Variants in FOXN4 observed in about 807,000 individuals in gnomAD.
The protein encoded by FOXN4 is forkhead box N4, also known as forkhead box protein N4.
A neutral mutation model predicts 45.0 loss-of-function variants in FOXN4; 12 were observed. The observed-to-expected ratio is 0.27, with a 90% CI of 0.17 to 0.43. The LOEUF is 0.43. Ranked by LOEUF, FOXN4 falls within the 20% of genes least tolerant of loss-of-function variation. FOXN4 has a pLI of 1.00. For synonymous variants in FOXN4, 297 were observed against 295.0 expected (o/e 1.01, Z -0.07); for missense variants, 560 against 694.9 (o/e 0.81, Z 2.18).
chr12:109,297,009 G>A (rs1018381836), intron 2 of FOXN4, among the ~76,000 whole-genome samples: 5 of 152,220 alleles, frequency 3.3e-5, no homozygotes, highest in African/African-American at 1.2e-4. Flanking sequence ...GGCCAGAGAG[G>A]AACAGGCCTG....
intron 8 of FOXN4, among the ~76,000 whole-genome samples, chr12:109,284,406 T>G (rs2047681680): frequency 6.6e-6 from 1 of 152,192 alleles, no homozygotes; most frequent in Admixed American, 6.5e-5. Flanking sequence ...GAGCTGGGGC[T>G]GGGCTGGGAG....
At chr12:109,297,795 T>A (rs1403379307) in intron 2 of FOXN4, among the ~76,000 whole-genome samples, 4 of 152,090 alleles carry the variant, frequency 2.6e-5, no homozygotes, top group Admixed American at 2.6e-4. Context: ...ATCTAGAAAA[T>A]CCTCGCAGTG....
chr12:109,290,543 C>A lies in FOXN4; in HGVS notation c.87-257G>T, dbSNP rs1291555774. ...CTTAGCACCTACCACATAAACAATG[C>A]ACGCGAATATTTGTTGAGGACTTGA... On this transcript the variant is annotated intron_variant, in intron 2 of 9. Coordinates refer to ENST00000299162, the MANE Select transcript of FOXN4 (RefSeq NM_213596.3). The surrounding 1 kb of genome is among the most constrained non-coding windows in gnomAD (Gnocchi z 5.1). Among the ~76,000 whole-genome samples, 1 of 152,204 alleles carries A rather than the reference C, an allele frequency of 6.6e-6. No individual in the cohort carries two copies. Among genetic ancestry groups the A allele is most frequent in the Non-Finnish European group, 1.5e-5 (1 of 68,042 alleles).
At chr12:109,281,124 A>G (rs2047647951) in intron 9 of FOXN4, among the ~76,000 whole-genome samples, 1 of 152,186 alleles carries the variant, frequency 6.6e-6, no homozygotes, top group Non-Finnish European at 1.5e-5. Context: ...GTTGGCTGCC[A>G]TTGGCTATAA....
At chr12:109,303,301 C>T (rs1328574057) in intron 2 of FOXN4, among the ~76,000 whole-genome samples, 1 of 152,158 alleles carries the variant, frequency 6.6e-6, no homozygotes, top group Non-Finnish European at 1.5e-5. Context: ...GAAACGGAGC[C>T]CCTTCCAAGG....
chr12:109,281,224 A>T (rs747295274), intron 9 of FOXN4, among the ~76,000 whole-genome samples, 183 bp downstream of exon 9: 2 of 152,144 alleles, frequency 1.3e-5, no homozygotes, highest in Non-Finnish European at 2.9e-5. Context: ...GAGCTCAAAA[A>T]TTTTTGGATT....
rs2047649224 is a variant in FOXN4 at position 109,281,290 on chromosome 12, A to G, written c.1294+117T>C. Reference sequence around the variant, plus strand: ...TGTTCAACTTGTAAAGGTTGTTGCTATGGGAACAAGACTGTGGGGCAAATG... The same window carrying G: ...TGTTCAACTTGTAAAGGTTGTTGCTGTGGGAACAAGACTGTGGGGCAAATG... On this transcript the variant is annotated intron_variant, in intron 9 of 9. Coordinates refer to ENST00000299162, the MANE Select transcript of FOXN4 (RefSeq NM_213596.3). The G allele has an allele frequency of 2.9e-6, 4 of 1,369,096 alleles. No individual in the cohort carries two copies. In the Admixed American group the frequency reaches 9.1e-5, roughly 31 times the overall value. 84.8% of individuals were successfully genotyped at this position (1,369,096 alleles called of 1,614,324 possible).
At position 109,290,091 on chromosome 12, in the gene FOXN4, C is replaced by T. The variant is rs1411958133; in HGVS notation, c.232+50G>A. 1 of 1,492,862 alleles carries T rather than the reference C, an allele frequency of 6.7e-7. No individual in the cohort carries two copies. Among genetic ancestry groups the T allele is most frequent in the South Asian group, 1.3e-5 (1 of 74,308 alleles). 92.5% of individuals were successfully genotyped at this position (1,492,862 alleles called of 1,614,324 possible). A position where few individuals can be genotyped will look rare whatever the true frequency, so the allele number is the denominator to read the frequency against. ...GGGTGGGTGGCAGGGCTGGGAATCA[C>T]CCCTCTCCTATATCACCCTCCTCCC... On this transcript the variant is annotated intron_variant, in intron 3 of 9. Coordinates refer to ENST00000299162, the MANE Select transcript of FOXN4 (RefSeq NM_213596.3). The surrounding 1 kb of genome is among the most constrained non-coding windows in gnomAD (Gnocchi z 5.1).
rs1319853135 is a variant in FOXN4, at chr12:109,281,455, T to G, written c.1246A>C (p.Thr416Pro). The G allele has an allele frequency of 1.2e-6, 2 of 1,613,960 alleles. No individual in the cohort carries two copies. Among genetic ancestry groups the G allele is most frequent in the Non-Finnish European group, 1.7e-6 (2 of 1,179,872 alleles). Residue 416 changes from threonine (T) to proline (P), a missense_variant, in exon 9 of 10, where the codon ACT becomes CCT. Thr to Pro is a conservative substitution (Grantham distance 38). Transcript: ENST00000299162. ...DFINISTDMN[T>P]EVDALDPSIM... ...CTCGGGTCGAGGGCATCCACCTCAG[T>G]GTTCATGTCGGTGCTGATGTTGATG...
chr12:109,281,308 G>C, intron 9 of FOXN4, 99 bp downstream of exon 9: 1 of 1,418,094 alleles, frequency 7.1e-7, no homozygotes. Context: ...AAGACTGTGG[G>C]GCAAATGCAG....
chr12:109,288,290 G>C lies in FOXN4; in HGVS notation c.233-110C>G, dbSNP rs901658992. ...GAGAACGGAGCCAGCCCCTTTCCTC[G>C]GACCAGGCACATAGTAGGTGCTTGG... On this transcript the variant is annotated intron_variant, in intron 3 of 9. Coordinates refer to ENST00000299162, the MANE Select transcript of FOXN4 (RefSeq NM_213596.3). The surrounding 1 kb of genome is among the most constrained non-coding windows in gnomAD (Gnocchi z 4.3). 2.1e-6 allele frequency: 3 copies of C among 1,429,784 alleles called. No homozygotes were observed. The highest frequency in any genetic ancestry group is 2.8e-6 in the Non-Finnish European group (3 of 1,080,234). The allele number at this position is 1,429,784 out of a possible 1,614,324, so 88.6% of individuals were successfully genotyped here.
intron 8 of FOXN4, among the ~76,000 whole-genome samples, chr12:109,283,848 A>G (rs1015994225): frequency 2.9e-4 from 44 of 152,348 alleles, no homozygotes; most frequent in African/African-American, 1.0e-3. Flanking sequence ...ATGCCATTCT[A>G]TTTATTTAAC....
intron 1 of FOXN4, among the ~76,000 whole-genome samples, chr12:109,308,749 A>G (rs1320640645): frequency 6.6e-6 from 1 of 152,110 alleles, no homozygotes; most frequent in Non-Finnish European, 1.5e-5. Context: ...TCTCTGGGGG[A>G]ACAAATTCCC....
At chr12:109,293,815 C>A (rs1189664925) in intron 2 of FOXN4, among the ~76,000 whole-genome samples, 1 of 152,144 alleles carries the variant, frequency 6.6e-6, no homozygotes, top group Non-Finnish European at 1.5e-5. Flanking sequence ...CGCAGGCCAC[C>A]AGCGCTGAGA....
Position 109,285,336 on chromosome 12 carries a change from A to C in FOXN4, c.869T>G (p.Leu290Arg). The C allele has an allele frequency of 1.2e-6, 2 of 1,612,944 alleles. No individual in the cohort carries two copies. The highest frequency in any genetic ancestry group is 1.7e-6 in the Non-Finnish European group (2 of 1,179,614). Reference protein sequence around the residue: ...EEMHKWKRKDLAAIHRSMANP... With the variant: ...EEMHKWKRKDRAAIHRSMANP... ...GGCCATACTCCGGTGGATGGCAGCC[A>C]GGTCCTTCCTCTTCCACTTGTGCAT... Residue 290 changes from leucine (L) to arginine (R), a missense_variant, in exon 8 of 10, where the codon CTG becomes CGG. Physicochemically the swap from Leu to Arg is moderately radical, Grantham distance 102. Coordinates refer to ENST00000299162, the MANE Select transcript of FOXN4 (RefSeq NM_213596.3).
chr12:109,298,362 GT>G (rs2047838270), intron 2 of FOXN4, among the ~76,000 whole-genome samples: 1 of 116,154 alleles, frequency 8.6e-6, no homozygotes, highest in Non-Finnish European at 1.9e-5. Flanking sequence ...TTTTTGCTTT[GT>G]TTTGTTTTGT....
In FOXN4 at chr12:109,281,351, C is replaced by G. The variant is rs2047649847; in HGVS notation, c.1294+56G>C. 1.9e-6 allele frequency: 3 copies of G among 1,593,510 alleles called. No individual in the cohort carries two copies. The African/African-American group carries it at 4.0e-5, about 21-fold the overall frequency. On this transcript the variant is annotated intron_variant, in intron 9 of 9. Coordinates refer to ENST00000299162, the MANE Select transcript of FOXN4 (RefSeq NM_213596.3). ...AGTCCTCTCCCTCACTCCCTTTGGC[C>G]CCCGGGCCTCTCCCCTCCCCATTCC...
intron 6 of FOXN4, 186 bp from the exon 7 acceptor site, chr12:109,286,930 T>C: frequency 2.9e-6 from 4 of 1,393,574 alleles, no homozygotes; most frequent in South Asian, 1.5e-5. Flanking sequence ...CCCTTTGCCC[T>C]TTCTCCTTGA....
Position 109,279,350 on chromosome 12 carries a change from T to C in FOXN4, c.*321A>G, listed in dbSNP as rs1205425801. 7 of 406,720 alleles carry C rather than the reference T, an allele frequency of 1.7e-5. No individual in the cohort carries two copies. The East Asian group carries it at 3.3e-4, about 19-fold the overall frequency. 25.2% of individuals were successfully genotyped at this position (406,720 alleles called of 1,614,324 possible). A position where few individuals can be genotyped will look rare whatever the true frequency, so the allele number is the denominator to read the frequency against. On this transcript the variant is annotated 3_prime_UTR_variant, in exon 10 of 10. Coordinates refer to ENST00000299162, the MANE Select transcript of FOXN4 (RefSeq NM_213596.3). Reference sequence around the variant, plus strand: ...AGCCAGGATCCAGGATGGAGAAGTCTCACTCAACACGGGCAGGCATTGCGG... The same window carrying C: ...AGCCAGGATCCAGGATGGAGAAGTCCCACTCAACACGGGCAGGCATTGCGG...
Sources: gnomAD v4.1 joint callset for allele counts (sites outside exome capture counted in the v4.1 genomes callset) on GRCh38, gnomAD v4.1.1 for gene constraint, Gnocchi (gnomAD v3.1) non-coding constraint, MANE v1.5 for transcripts, NCBI Gene and HGNC (gene_info 2026-07-23, HGNC 2026-07-21) for gene names.